The following GRHL1 variants were observed in gnomAD, a reference collection of about 807,000 sequenced individuals.
The protein encoded by GRHL1 is grainyhead like transcription factor 1, also known as grainyhead-like protein 1 homolog.
Under a neutral mutation model 75.7 loss-of-function variants are expected in GRHL1, and 38 were observed. The ratio of observed to expected loss-of-function variants is 0.50; its 90% confidence interval spans 0.39 to 0.66. The LOEUF (loss-of-function observed/expected upper bound fraction) is 0.66. Ranked by LOEUF, GRHL1 falls within the 30% of genes least tolerant of loss-of-function variation. The pLI is 0.00. For missense variants in GRHL1, 589 were observed against 767.5 expected, an observed-to-expected ratio of 0.77 and a Z score of 2.75; for synonymous variants, 266 against 279.4, an observed-to-expected ratio of 0.95 and a Z score of 0.48.
At chr2:9,957,002 CTT>C (rs764835142) in intron 2 of GRHL1, among the ~76,000 whole-genome samples, 10 of 113,810 alleles carry the variant, frequency 8.8e-5, no homozygotes, top group Non-Finnish European at 1.5e-4. Flanking sequence ...TCTTCTTCTT[CTT>C]TTTTTTTTTT....
At chr2:9,997,831 AC>A (rs765118640) in intron 14 of GRHL1, among the ~76,000 whole-genome samples, 4 of 150,696 alleles carry the variant, frequency 2.7e-5, no homozygotes, top group Non-Finnish European at 3.0e-5. Flanking sequence ...AAAAAAAAAA[AC>A]AACAAAAAAC....
chr2:9,999,076 C>T (rs1317029345), intron 15 of GRHL1, 47 bp downstream of exon 15: 3 of 985,890 alleles, frequency 3.0e-6, no homozygotes, highest in Non-Finnish European at 4.6e-6. Context: ...GCTGATGCCC[C>T]CCGCAGTGCT....
At chr2:9,960,455 TA>T (rs35454772) in intron 3 of GRHL1, 5,324 of 137,290 alleles carry the variant, frequency 0.039, 269 homozygotes, top group African/African-American at 0.12. Context: ...AATAAAAAAT[TA>T]AAAAAAAAAA....
chr2:9,994,505 A>G (rs902711319), intron 12 of GRHL1, among the ~76,000 whole-genome samples: 1 of 152,002 alleles, frequency 6.6e-6, no homozygotes, highest in Non-Finnish European at 1.5e-5. Context: ...ATCCATTCCC[A>G]GGGCTTAAAC....
rs895797695 is a variant in GRHL1, at chr2:9,968,197, C to T, written c.1110+2816C>T. The stretch of plus-strand genomic sequence containing the variant: ...CATTCCACTTTGGGAAAAACACTGA[C>T]GAAGCTAGGACCTATCTTACACTGG... On this transcript the variant is annotated intron_variant, in intron 8 of 15. Transcript: ENST00000324907. The surrounding 1 kb of genome is among the most constrained non-coding windows in gnomAD (Gnocchi z 4.7). Among the ~76,000 whole-genome samples the T allele has an allele frequency of 2.6e-5, 4 of 152,322 alleles. No individual in the cohort carries two copies. The highest frequency in any genetic ancestry group is 6.5e-5 in the Admixed American group (1 of 15,302).
At chr2:9,983,623 G>C (rs4610026) in intron 8 of GRHL1, among the ~76,000 whole-genome samples, 5 of 151,940 alleles carry the variant, frequency 3.3e-5, no homozygotes, top group Non-Finnish European at 7.4e-5. Context: ...TCCTGGAATC[G>C]TGAGGATGAA....
intron 8 of GRHL1, among the ~76,000 whole-genome samples, chr2:9,969,590 A>G (rs1365928576): frequency 6.6e-6 from 1 of 152,238 alleles, no homozygotes; most frequent in Non-Finnish European, 1.5e-5. Context: ...GATGAGTAAC[A>G]TTTAAGCACA....
Position 9,967,246 on chromosome 2 carries a change from C to T in GRHL1, c.1110+1865C>T, listed in dbSNP as rs141234031. Among the ~76,000 whole-genome samples the T allele has an allele frequency of 4.1e-3, 618 of 152,322 alleles. 6 individuals are homozygous for T. Among genetic ancestry groups the T allele is most frequent in the African/African-American group, 0.014 (597 of 41,568 alleles). On this transcript the variant is annotated intron_variant, in intron 8 of 15. Coordinates refer to ENST00000324907, the MANE Select transcript of GRHL1 (RefSeq NM_198182.3). ...TCCCCTTGATCCCCCAGGAGAGTCA[C>T]GAGGTTAGAGTGGCCAGCTCTTCTT...
chr2:9,998,511 C>T (rs867351303), intron 14 of GRHL1, among the ~76,000 whole-genome samples: 1 of 15,002 alleles, frequency 6.7e-5, no homozygotes, highest in Non-Finnish European at 1.0e-4. Context: ...CATATATATA[C>T]GTATATATAT....
rs749777330 is a variant in GRHL1 at position 9,961,294 on chromosome 2, A to G, written c.527A>G (p.His176Arg). Residue 176 changes from histidine (H) to arginine (R), a missense_variant, in exon 4 of 16, where the codon CAT (histidine) becomes CGT (arginine). Around this residue, in one of 5 missense-constraint regions of GRHL1, gnomAD observed 362 missense variants for 461.8 expected, o/e 0.78. Coordinates refer to ENST00000324907, the MANE Select transcript of GRHL1 (RefSeq NM_198182.3). ...FAVGIPPAVY[H>R]PEPTERVVVF... ...GTGGGAATCCCCCCAGCAGTGTATC[A>G]TCCTGAGCCCACTGAGCGGGTGGTG... 1 of 1,614,204 alleles carries G rather than the reference A, an allele frequency of 6.2e-7. No homozygotes were observed. Among genetic ancestry groups the G allele is most frequent in the Non-Finnish European group, 8.5e-7 (1 of 1,180,040 alleles).
intron 1 of GRHL1, among the ~76,000 whole-genome samples, chr2:9,953,693 A>G (rs1572326245): frequency 2.0e-5 from 3 of 151,784 alleles, no homozygotes; most frequent in Admixed American, 2.0e-4. Flanking sequence ...ATCTGTTCTT[A>G]AAGGCCCTGG....
intron 1 of GRHL1, among the ~76,000 whole-genome samples, chr2:9,952,121 A>C (rs1572323464): frequency 6.6e-6 from 1 of 151,624 alleles, no homozygotes; most frequent in Non-Finnish European, 1.5e-5. Flanking sequence ...CTCCGCGGCC[A>C]GGTTGGGTCC....
chr2:9,975,801 G>A (rs1667925291), intron 8 of GRHL1, among the ~76,000 whole-genome samples: 5 of 151,948 alleles, frequency 3.3e-5, no homozygotes, highest in South Asian at 2.1e-4. Flanking sequence ...CAGGAAAATC[G>A]CTTGAACCCA....
At chr2:9,976,644 G>A (rs989924474) in intron 8 of GRHL1, among the ~76,000 whole-genome samples, 4 of 152,162 alleles carry the variant, frequency 2.6e-5, no homozygotes, top group Non-Finnish European at 4.4e-5. Context: ...GCCAGGAGAC[G>A]TCAGTGCCAG....
At chr2:9,961,749 G>T (rs1309895253) in intron 4 of GRHL1, among the ~76,000 whole-genome samples, 1 of 152,120 alleles carries the variant, frequency 6.6e-6, no homozygotes, top group African/African-American at 2.4e-5. Context: ...GATTCTCCTA[G>T]TCTGTTTTCA....
chr2:9,993,861 GC>G (rs1046135468), intron 12 of GRHL1, among the ~76,000 whole-genome samples: 1 of 152,182 alleles, frequency 6.6e-6, no homozygotes, highest in Non-Finnish European at 1.5e-5. Flanking sequence ...GTGCATTGTA[GC>G]TTTGTAAATA....
intron 8 of GRHL1, among the ~76,000 whole-genome samples, chr2:9,974,671 T>A (rs1667873976): frequency 6.6e-6 from 1 of 152,220 alleles, no homozygotes; most frequent in South Asian, 2.1e-4. Flanking sequence ...TTTGACTGTT[T>A]TCTAACATCC....
intron 14 of GRHL1, among the ~76,000 whole-genome samples, 192 bp from the exon 15 acceptor site, chr2:9,998,765 TGTACACAC>T (rs1669090665): frequency 2.2e-5 from 1 of 46,432 alleles, no homozygotes; most frequent in Non-Finnish European, 3.7e-5. Context: ...CGTATATATA[TGTACACAC>T]ATATATACGT....
intron 8 of GRHL1, among the ~76,000 whole-genome samples, chr2:9,970,946 ATCTC>A (rs1476121927): frequency 6.6e-6 from 1 of 152,140 alleles, no homozygotes; most frequent in African/African-American, 2.4e-5. Context: ...GGAAACCGGT[ATCTC>A]TCTGTTTTGT....
Sources: allele counts gnomAD v4.1 joint callset (sites outside exome capture counted in the v4.1 genomes callset), GRCh38; gene constraint gnomAD v4.1.1; regional missense constraint gnomAD v4.1.1; non-coding constraint Gnocchi (gnomAD v3.1); transcripts MANE v1.5; gene names NCBI Gene and HGNC (gene_info 2026-07-23, HGNC 2026-07-21).